The following SNTG2 variants were observed in gnomAD, a reference collection of about 807,000 sequenced individuals.
SNTG2 encodes gamma-2-syntrophin.
A neutral mutation model predicts 70.9 loss-of-function variants in SNTG2; 74 were observed. That is an observed-to-expected ratio of 1.04 (90% confidence interval 0.86 to 1.27). The LOEUF (loss-of-function observed/expected upper bound fraction) is 1.27. SNTG2 is among the 50% of genes most tolerant of loss of function. The pLI is 0.00. For missense variants in SNTG2, 717 were observed against 690.7 expected (o/e 1.04, Z -0.43); for synonymous variants, 278 against 273.8 (o/e 1.02, Z -0.15).
intron 8 of SNTG2, among the ~76,000 whole-genome samples, chr2:1,187,603 T>G (rs1672327606): frequency 6.6e-6 from 1 of 152,146 alleles, no homozygotes. Flanking sequence ...TTGGTTCTGT[T>G]TCTCAGAAGA....
chr2:1,209,146 A>T lies in SNTG2; in HGVS notation c.635A>T (p.Tyr212Phe). Reference protein sequence around the residue: ...PSSPIAKDPRYEKRWLDTLSV... With the variant: ...PSSPIAKDPRFEKRWLDTLSV... ...TCGCCCATAGCTAAGGACCCGAGGT[A>T]TGAGAAGCGCTGGCTGGACACCTTG... The change falls in exon 9 of 17, where the codon TAT (tyrosine) becomes TTT (phenylalanine). Residue 212 changes from tyrosine to phenylalanine, a missense_variant. Coordinates refer to ENST00000308624, the MANE Select transcript of SNTG2 (RefSeq NM_018968.4). The T allele has an allele frequency of 3.1e-6, 5 of 1,613,966 alleles. No individual in the cohort carries two copies. The highest frequency in any genetic ancestry group is 4.2e-6 in the Non-Finnish European group (5 of 1,179,898).
At chr2:1,195,379 C>T (rs1672847801) in intron 8 of SNTG2, among the ~76,000 whole-genome samples, 1 of 152,194 alleles carries the variant, frequency 6.6e-6, no homozygotes, top group African/African-American at 2.4e-5. Flanking sequence ...CACATCCTCT[C>T]CAGCATCTGT....
intron 1 of SNTG2, among the ~76,000 whole-genome samples, chr2:982,493 GTT>G (rs897210168): frequency 6.6e-6 from 1 of 152,140 alleles, no homozygotes; most frequent in African/African-American, 2.4e-5. Context: ...GCTTTTCTAG[GTT>G]TTTTGTGTTC....
chr2:970,275 T>A (rs1572176322), intron 1 of SNTG2, among the ~76,000 whole-genome samples: 1 of 152,058 alleles, frequency 6.6e-6, no homozygotes, highest in Non-Finnish European at 1.5e-5. Context: ...TATTTGAGGA[T>A]TTTTTTTAAT....
intron 4 of SNTG2, among the ~76,000 whole-genome samples, chr2:1,099,919 G>C (rs950880408): frequency 2.0e-5 from 3 of 152,206 alleles, no homozygotes; most frequent in African/African-American, 7.2e-5. Flanking sequence ...TTTTGAGCAA[G>C]CTTACAAACC....
intron 14 of SNTG2, among the ~76,000 whole-genome samples, chr2:1,301,282 C>A (rs1466071814): frequency 6.6e-6 from 1 of 152,124 alleles, no homozygotes; most frequent in Non-Finnish European, 1.5e-5. Context: ...GTTGTCACTG[C>A]TTACCCCGCG....
chr2:1,242,357 A>T (rs1180509465), intron 11 of SNTG2, among the ~76,000 whole-genome samples: 2 of 152,232 alleles, frequency 1.3e-5, no homozygotes, highest in Non-Finnish European at 2.9e-5. Flanking sequence ...TGAAAGGATA[A>T]ATAAAGGTGT....
At chr2:1,000,868 A>C (rs752038961) in intron 1 of SNTG2, among the ~76,000 whole-genome samples, 3 of 152,006 alleles carry the variant, frequency 2.0e-5, no homozygotes, top group Non-Finnish European at 2.9e-5. Flanking sequence ...AATCCTCAAG[A>C]AAGTACTAGC....
chr2:1,363,045 C>T (rs570851588), intron 16 of SNTG2, among the ~76,000 whole-genome samples: 1 of 152,196 alleles, frequency 6.6e-6, no homozygotes, highest in Admixed American at 6.5e-5. Context: ...ATGAAAGTCA[C>T]CGATGCTGAG....
rs545800924 is a variant in SNTG2 at position 1,229,584 on chromosome 2, C to T, written c.720-8304C>T. Among the ~76,000 whole-genome samples, 11 of 152,358 alleles carry T rather than the reference C, an allele frequency of 7.2e-5. No homozygotes were observed. In the South Asian group the frequency reaches 1.0e-3, roughly 14 times the overall value. On this transcript the variant is annotated intron_variant, in intron 9 of 16. Transcript: ENST00000308624. ...TGCAGGTGGAGCTGCCTGCCAGTCCCGCGCCGTGCGCTCGCATTCCTCAGC... is the reference window on the plus strand; with the variant it reads ...TGCAGGTGGAGCTGCCTGCCAGTCCTGCGCCGTGCGCTCGCATTCCTCAGC...
intron 14 of SNTG2, among the ~76,000 whole-genome samples, chr2:1,274,585 G>C (rs1679196219): frequency 6.6e-6 from 1 of 152,084 alleles, no homozygotes; most frequent in Non-Finnish European, 1.5e-5. Flanking sequence ...CCTCGATCAG[G>C]ATGATTCTGC....
intron 10 of SNTG2, 129 bp downstream of exon 10, chr2:1,238,146 A>ATTGC: frequency 8.2e-7 from 1 of 1,223,392 alleles, no homozygotes. Flanking sequence ...CAATGTGTCA[A>ATTGC]ATCTATGTCT....
chr2:1,099,641 C>G (rs4414714), intron 4 of SNTG2, among the ~76,000 whole-genome samples: 1 of 10,838 alleles, frequency 9.2e-5, no homozygotes, highest in Non-Finnish European at 2.1e-4. Flanking sequence ...GTGAGGGCAG[C>G]GATGGTCAGG....
At chr2:1,335,627 C>T (rs1373499238) in intron 16 of SNTG2, among the ~76,000 whole-genome samples, 8 of 152,102 alleles carry the variant, frequency 5.3e-5, no homozygotes, top group Non-Finnish European at 1.0e-4. Flanking sequence ...TGGAGTCCTA[C>T]GAGTGAATTC....
At chr2:1,334,641 G>C (rs2148287992) in intron 16 of SNTG2, among the ~76,000 whole-genome samples, 1 of 152,276 alleles carries the variant, frequency 6.6e-6, no homozygotes, top group Admixed American at 6.5e-5. Flanking sequence ...GTCTTTTGCA[G>C]CAACTTGGAT....
intron 9 of SNTG2, among the ~76,000 whole-genome samples, chr2:1,236,944 T>C (rs2148101492): frequency 7.6e-6 from 1 of 132,164 alleles, no homozygotes; most frequent in East Asian, 2.2e-4. Flanking sequence ...ATTGTTTTCT[T>C]TTTTTCTTTT....
chr2:1,083,828 T>G (rs537251669), intron 2 of SNTG2, among the ~76,000 whole-genome samples, 173 bp downstream of exon 2: 12 of 152,234 alleles, frequency 7.9e-5, no homozygotes, highest in Admixed American at 7.2e-4. Context: ...AAGGTTGTAT[T>G]ATTTACTCTC....
Position 1,038,369 on chromosome 2 carries a change from A to C in SNTG2, c.73-45149A>C, listed in dbSNP as rs547653040. On this transcript the variant is annotated intron_variant, in intron 1 of 16. Coordinates refer to ENST00000308624, the MANE Select transcript of SNTG2 (RefSeq NM_018968.4). ...TCAGACTGGCAAAAATAAAGCCCAC[A>C]GCTAATTGTAGGGGAAAATGTAATC... is the stretch of plus-strand genomic sequence containing the variant. Among the ~76,000 whole-genome samples the C allele has an allele frequency of 5.3e-5, 8 of 152,340 alleles. 1 individual carries two copies. In the South Asian group the frequency reaches 1.7e-3, roughly 32 times the overall value.
At chr2:1,181,483 G>T (rs912584452) in intron 8 of SNTG2, among the ~76,000 whole-genome samples, 1 of 152,146 alleles carries the variant, frequency 6.6e-6, no homozygotes, top group African/African-American at 2.4e-5. Flanking sequence ...AGCAAAGTTT[G>T]TCATGTTCAG....
Sources: allele counts gnomAD v4.1 joint callset (sites outside exome capture counted in the v4.1 genomes callset), GRCh38; gene constraint gnomAD v4.1.1; transcripts MANE v1.5; gene names NCBI Gene and HGNC (gene_info 2026-07-23, HGNC 2026-07-21).